FAM135A: variants seen among roughly 807,000 people sequenced by gnomAD.
FAM135A encodes family with sequence similarity 135 member A, also known as protein FAM135A.
A neutral mutation model predicts 146.8 loss-of-function variants in FAM135A; 79 were observed. The observed-to-expected ratio is 0.54, with a 90% confidence interval of 0.45 to 0.65. The LOEUF is 0.65. FAM135A is among the 30% of genes least tolerant of loss of function. The pLI, the probability that FAM135A is intolerant of heterozygous loss-of-function variation, is 0.00. For missense variants in FAM135A, 1,623 were observed against 1,758.2 expected, an observed-to-expected ratio of 0.92 and a Z score of 1.38; for synonymous variants, 562 against 603.6, an observed-to-expected ratio of 0.93 and a Z score of 1.01.
intron 12 of FAM135A, among the ~76,000 whole-genome samples, chr6:70,505,526 G>A (rs117356638): frequency 6.6e-6 from 1 of 151,234 alleles, no homozygotes; most frequent in East Asian, 1.9e-4. Context: ...AGTATTGGGG[G>A]GATACTACAT....
chr6:70,435,081 GTATATATATATATATA>G (rs767689681), intron 4 of FAM135A, among the ~76,000 whole-genome samples: 3 of 94,330 alleles, frequency 3.2e-5, no homozygotes, highest in African/African-American at 5.8e-5. Flanking sequence ...GTGTGTGTGT[GTATATATATATATATA>G]TATATATATA....
At chr6:70,487,814 A>G (rs1351040162) in intron 10 of FAM135A, among the ~76,000 whole-genome samples, 3 of 152,166 alleles carry the variant, frequency 2.0e-5, no homozygotes, top group Non-Finnish European at 1.5e-5. Context: ...AGCATTCTAA[A>G]TAATTTTACA....
Position 70,452,522 on chromosome 6 carries a change from T to G in FAM135A, c.108T>G (p.Ile36Met), listed in dbSNP as rs756739363. The change falls in exon 5 of 22, where the codon ATT (isoleucine) becomes ATG (methionine). Residue 36 changes from isoleucine to methionine, a missense_variant. Transcript: ENST00000418814. ...GFYQIRASMK[I>M]PSRIPHRVEA... Reference sequence around the variant, plus strand: ...ACCAGATTCGTGCTTCTATGAAAATTCCATCAAGAATTCCCCACAGAGTAG... The same window carrying G: ...ACCAGATTCGTGCTTCTATGAAAATGCCATCAAGAATTCCCCACAGAGTAG... The G allele has an allele frequency of 6.3e-7, 1 of 1,597,436 alleles. No homozygotes were observed. Among genetic ancestry groups the G allele is most frequent in the East Asian group, 2.3e-5 (1 of 43,582 alleles).
intron 20 of FAM135A, among the ~76,000 whole-genome samples, chr6:70,553,409 T>C (rs1242682365): frequency 6.6e-6 from 1 of 152,330 alleles, no homozygotes; most frequent in Non-Finnish European, 1.5e-5. Context: ...TATTCTCAAC[T>C]AGACTGCCTC....
At chr6:70,502,813 T>C in intron 12 of FAM135A, 22 bp downstream of exon 12, 1 of 1,596,068 alleles carries the variant, frequency 6.3e-7, no homozygotes. Flanking sequence ...AGAAGTGATT[T>C]TAGAGCATTT....
intron 4 of FAM135A, among the ~76,000 whole-genome samples, chr6:70,450,751 T>C (rs1178309555): frequency 9.9e-6 from 1 of 101,004 alleles, no homozygotes. Flanking sequence ...TTTTTTTTTT[T>C]TTTTTTTGAG....
chr6:70,504,178 A>G (rs575551969), intron 12 of FAM135A: 2 of 152,322 alleles, frequency 1.3e-5, no homozygotes, highest in East Asian at 1.9e-4. Flanking sequence ...TGGATGCGAA[A>G]TGGTATATTA....
intron 5 of FAM135A, 47 bp downstream of exon 5, chr6:70,452,618 A>G: frequency 7.3e-7 from 1 of 1,373,722 alleles, no homozygotes; most frequent in Non-Finnish European, 9.9e-7. Flanking sequence ...CTGAATGGTC[A>G]ATAACTTTTA....
chr6:70,450,945 G>A (rs1000013450), intron 4 of FAM135A, among the ~76,000 whole-genome samples: 2 of 151,624 alleles, frequency 1.3e-5, no homozygotes, highest in African/African-American at 4.8e-5. Context: ...GTTTCACCAT[G>A]TTGGCCAGGC....
chr6:70,513,136 A>G (rs1791418670), intron 12 of FAM135A, among the ~76,000 whole-genome samples: 1 of 151,830 alleles, frequency 6.6e-6, no homozygotes, highest in Non-Finnish European at 1.5e-5. Context: ...GGCCTGTTAT[A>G]CATCTCTATG....
chr6:70,414,079 G>A, intron 1 of FAM135A: 1 of 980,750 alleles, frequency 1.0e-6, no homozygotes, highest in Non-Finnish European at 1.2e-6. Context: ...TCGTGGTTCT[G>A]CTTTTTCATC....
At chr6:70,421,405 A>G (rs1768824972) in intron 2 of FAM135A, among the ~76,000 whole-genome samples, 1 of 152,232 alleles carries the variant, frequency 6.6e-6, no homozygotes, top group Middle Eastern at 3.2e-3. Context: ...AATGGCCACC[A>G]TGTTGGACAG....
chr6:70,528,486 C>T (rs1368092321), intron 16 of FAM135A, 34 bp downstream of exon 16: 1 of 1,441,358 alleles, frequency 6.9e-7, no homozygotes, highest in South Asian at 1.7e-5. Context: ...CCCAGAGCAA[C>T]TCAATATATT....
chr6:70,536,703 G>C (rs1052668702), intron 19 of FAM135A, among the ~76,000 whole-genome samples: 5 of 151,738 alleles, frequency 3.3e-5, no homozygotes, highest in Non-Finnish European at 7.4e-5. Flanking sequence ...CTTATAAACA[G>C]TTTTGTCATC....
Position 70,462,011 on chromosome 6 carries a change from A to G in FAM135A, c.157+9440A>G, listed in dbSNP as rs565141888. ...CCTTTCTGTCCTAAATTGCCCCAGT[A>G]GTTAAAATGCTGAAATAAGGTGGAC... On this transcript the variant is annotated intron_variant, in intron 5 of 21. Transcript: ENST00000418814. 9.2e-5 allele frequency among the ~76,000 whole-genome samples: 14 copies of G among 152,296 alleles called. No individual in the cohort carries two copies. The East Asian group carries it at 2.7e-3, about 29-fold the overall frequency.
At position 70,524,751 on chromosome 6, in the gene FAM135A, G is replaced by T; in HGVS notation, c.1667G>T (p.Gly556Val). The T allele has an allele frequency of 7.1e-6, 11 of 1,549,094 alleles. No homozygotes were observed. Among genetic ancestry groups the T allele is most frequent in the Non-Finnish European group, 9.6e-6 (11 of 1,146,280 alleles). ...QKEGLDPTIC[G>V]YNFDPKTYMR... is the part of the protein sequence containing the mutation. Reference sequence around the variant, plus strand: ...GAAGGTCTGGATCCCACAATATGTGGATATAATTTTGACCCAAAGACCTAC... The same window carrying T: ...GAAGGTCTGGATCCCACAATATGTGTATATAATTTTGACCCAAAGACCTAC... Residue 556 changes from glycine (G) to valine (V), a missense_variant, in exon 15 of 22, where the codon GGA (glycine) becomes GTA (valine). By Grantham distance (109) the Gly-to-Val change is moderately radical. This residue lies in a region of FAM135A where 1,061 missense variants were observed against 1,113.8 expected (regional missense o/e 0.95). Coordinates refer to ENST00000418814, the MANE Select transcript of FAM135A (RefSeq NM_001162529.3).
At chr6:70,542,941 T>A (rs1798204424) in intron 20 of FAM135A, among the ~76,000 whole-genome samples, 1 of 152,164 alleles carries the variant, frequency 6.6e-6, no homozygotes, top group African/African-American at 2.4e-5. Flanking sequence ...TAGCATTATA[T>A]ATCAACCTTT....
intron 12 of FAM135A, among the ~76,000 whole-genome samples, chr6:70,508,671 T>A (rs956982775): frequency 2.6e-5 from 4 of 152,182 alleles, no homozygotes; most frequent in Non-Finnish European, 5.9e-5. Context: ...AGAGACATGA[T>A]GGTTACATCA....
chr6:70,479,385 TAA>T (rs1407937912), intron 8 of FAM135A, among the ~76,000 whole-genome samples: 1 of 152,198 alleles, frequency 6.6e-6, no homozygotes, highest in Non-Finnish European at 1.5e-5. Flanking sequence ...CCAGGAGGAT[TAA>T]CTGTTGGCTC....
Sources: allele counts gnomAD v4.1 joint callset (sites outside exome capture counted in the v4.1 genomes callset), GRCh38; gene constraint gnomAD v4.1.1; regional missense constraint gnomAD v4.1.1; transcripts MANE v1.5; gene names NCBI Gene and HGNC (gene_info 2026-07-23, HGNC 2026-07-21).